NIBAN3: variants seen among roughly 807,000 people sequenced by gnomAD.
The protein encoded by NIBAN3 is niban apoptosis regulator 3, also known as protein Niban 3.
In NIBAN3, 66 loss-of-function variants were observed where a neutral mutation model predicts 76.4. That is an observed-to-expected ratio of 0.86 (90% CI 0.71 to 1.06). NIBAN3 has a LOEUF of 1.06. NIBAN3 is among the 50% of genes least tolerant of loss of function. The pLI, the probability that NIBAN3 is intolerant of heterozygous loss-of-function variation, is 0.00. For synonymous variants in NIBAN3, 360 were observed against 355.2 expected (o/e 1.01, Z -0.15); for missense variants, 808 against 810.7 (o/e 1.00, Z 0.04).
At chr19:17,544,609 C>T (rs778578192) in intron 12 of NIBAN3, among the ~76,000 whole-genome samples, 4 of 152,218 alleles carry the variant, frequency 2.6e-5, no homozygotes, top group Non-Finnish European at 5.9e-5. Flanking sequence ...GTGCAAAGGC[C>T]CTGAGGCCTG....
At chr19:17,530,654 A>T in intron 1 of NIBAN3, 101 bp from the exon 2 acceptor site, 1 of 1,169,670 alleles carries the variant, frequency 8.5e-7, no homozygotes, top group South Asian at 1.7e-5. Flanking sequence ...CAGGATGACT[A>T]CAGGAGCCCC....
chr19:17,547,706 C>A (rs1299757845), intron 13 of NIBAN3, among the ~76,000 whole-genome samples: 4 of 150,980 alleles, frequency 2.6e-5, no homozygotes, highest in Admixed American at 2.6e-4. Flanking sequence ...CTCACTCTGT[C>A]ACCCAGGCAG....
chr19:17,542,330 G>C lies in NIBAN3; in HGVS notation c.1329+36G>C. The C allele has an allele frequency of 3.2e-6, 5 of 1,562,754 alleles. No homozygotes were observed. Among genetic ancestry groups the C allele is most frequent in the Non-Finnish European group, 3.5e-6 (4 of 1,155,740 alleles). Reference sequence around the variant, plus strand: ...GAGGAGGCTGGGATGAGGCCAGGCTGTGAAGACAGCCTCCACTGACCTCCT... The same window carrying C: ...GAGGAGGCTGGGATGAGGCCAGGCTCTGAAGACAGCCTCCACTGACCTCCT... On this transcript the variant is annotated intron_variant, in intron 10 of 14. Transcript: ENST00000599164. This position sits in a 1 kb window ranked among gnomAD's most constrained non-coding sequence, Gnocchi z 4.8.
chr19:17,547,602 C>T (rs1358125556), intron 13 of NIBAN3, among the ~76,000 whole-genome samples: 1 of 151,286 alleles, frequency 6.6e-6, no homozygotes, highest in African/African-American at 2.4e-5. Flanking sequence ...ATCCTCCCCC[C>T]TTGGGCTCCC....
At position 17,549,296 on chromosome 19, in the gene NIBAN3, C is replaced by A. The variant is rs567180501; in HGVS notation, c.1667-148C>A. ...GCAGGGATCGGTTAGCAATGTCTGC[C>A]ATGGGTGCGGGCTTGGAGAGAGGCT... On this transcript the variant is annotated intron_variant, in intron 13 of 14. Transcript: ENST00000599164. 6.1e-6 allele frequency: 4 copies of A among 651,054 alleles called. No homozygotes were observed. The East Asian group carries it at 1.0e-4, about 16-fold the overall frequency. 40.3% of individuals were successfully genotyped at this position (651,054 alleles called of 1,614,324 possible).
In NIBAN3 at chr19:17,540,521, G is replaced by A; in HGVS notation, c.1109G>A (p.Gly370Asp). 2 of 1,588,898 alleles carry A rather than the reference G, an allele frequency of 1.3e-6. No homozygotes were observed. The highest frequency in any genetic ancestry group is 1.7e-5 in the Admixed American group (1 of 57,560). The stretch of plus-strand genomic sequence containing the variant: ...GCGGTGCGGACCCTCCTGGCTCAAG[G>A]CATGGACCGACTGTCCCACCGCCTG... The part of the protein sequence containing the change: ...LEAVRTLLAQ[G>D]MDRLSHRLRQ... Residue 370 changes from glycine to aspartate, a missense_variant, in exon 9 of 15, where the codon GGC becomes GAC. Transcript: ENST00000599164.
At chr19:17,547,371 T>G (rs1194928636) in intron 13 of NIBAN3, among the ~76,000 whole-genome samples, 1 of 131,348 alleles carries the variant, frequency 7.6e-6, no homozygotes, top group East Asian at 2.2e-4. Flanking sequence ...TTTTTTTTTT[T>G]TGAGACAGAG....
intron 4 of NIBAN3, among the ~76,000 whole-genome samples, chr19:17,535,620 C>T (rs1038273619): frequency 2.6e-5 from 4 of 151,968 alleles, no homozygotes; most frequent in Admixed American, 6.6e-5. Flanking sequence ...TGGTGGCACA[C>T]GCCTATAATC....
downstream of NIBAN3, chr19:17,553,653 G>A: frequency 8.8e-7 from 1 of 1,132,028 alleles, no homozygotes; most frequent in East Asian, 2.4e-5. Context: ...GGCTTCTTTA[G>A]CTGTCTTCCT....
upstream of NIBAN3, chr19:17,523,412 A>G: frequency 2.6e-6 from 4 of 1,553,898 alleles, no homozygotes; most frequent in Admixed American, 4.0e-5. Context: ...CCGGCAGGCC[A>G]CTCAGATGTG....
intron 13 of NIBAN3, among the ~76,000 whole-genome samples, chr19:17,547,350 CTTT>C (rs1161818189): frequency 3.2e-5 from 2 of 62,700 alleles, no homozygotes; most frequent in African/African-American, 1.4e-4. Flanking sequence ...GAGACTATGT[CTTT>C]TTTTTTTTTT....
rs34537214 is a variant in NIBAN3, at chr19:17,552,080, A to AT, written c.*198dup. 0.35 allele frequency: 102,620 copies of AT among 297,424 alleles called. 10,414 individuals are homozygous for AT. Among genetic ancestry groups the AT allele is most frequent in the Non-Finnish European group, 0.4 (65,451 of 165,572 alleles). 18.4% of individuals were successfully genotyped at this position (297,424 alleles called of 1,614,324 possible). On this transcript the variant is annotated 3_prime_UTR_variant, in exon 15 of 15. Transcript: ENST00000599164. ...TTTCCCCAAGGCTTTCTTTATTTTAATTTTTTTTTTTTTTTTGAGACTGAG... is the reference window on the plus strand; with the variant it reads ...TTTCCCCAAGGCTTTCTTTATTTTAATTTTTTTTTTTTTTTTTGAGACTGAG...
chr19:17,542,424 A>C lies in NIBAN3; in HGVS notation c.1329+130A>C, dbSNP rs2075971862. 1.9e-5 allele frequency: 19 copies of C among 1,009,526 alleles called. No homozygotes were observed. The South Asian group carries it at 2.9e-4, about 15-fold the overall frequency. The allele number at this position is 1,009,526 out of a possible 1,614,324, so 62.5% of individuals were successfully genotyped here. On this transcript the variant is annotated intron_variant, in intron 10 of 14. Transcript: ENST00000599164. The surrounding 1 kb of genome is among the most constrained non-coding windows in gnomAD (Gnocchi z 4.8). ...GCGGGGCTGCCAGTCTCATGGGGAC[A>C]TGAGCCCGTGACCAGGCAGCAGCCA... is the stretch of plus-strand genomic sequence containing the variant.
chr19:17,524,093 G>A (rs529778268), upstream of NIBAN3, among the ~76,000 whole-genome samples: 1 of 151,974 alleles, frequency 6.6e-6, no homozygotes, highest in South Asian at 2.1e-4. Context: ...GTTTCACCAC[G>A]CTGGCCAGGC....
chr19:17,541,054 G>T (rs180968669), intron 9 of NIBAN3, among the ~76,000 whole-genome samples: 2 of 152,186 alleles, frequency 1.3e-5, no homozygotes, highest in Non-Finnish European at 2.9e-5. Flanking sequence ...AGTTTAAAAC[G>T]TGAGGGGAAA....
At chr19:17,523,959 G>A (rs577184167), upstream of NIBAN3, among the ~76,000 whole-genome samples, 8 of 152,226 alleles carry the variant, frequency 5.3e-5, no homozygotes, top group Non-Finnish European at 1.0e-4. Flanking sequence ...TGTGATCTCA[G>A]CTCACTGCAA....
chr19:17,526,691 C>A (rs1466908614), upstream of NIBAN3, among the ~76,000 whole-genome samples: 1 of 151,922 alleles, frequency 6.6e-6, no homozygotes, highest in African/African-American at 2.4e-5. Flanking sequence ...AGGTGATGGA[C>A]TGGTGGGAGG....
chr19:17,555,193 G>A (rs1232658641), downstream of NIBAN3, among the ~76,000 whole-genome samples: 2 of 152,158 alleles, frequency 1.3e-5, no homozygotes, highest in African/African-American at 4.8e-5. Context: ...GTGACGCCAG[G>A]TCTGTGGACG....
upstream of NIBAN3, among the ~76,000 whole-genome samples, chr19:17,526,273 A>G (rs1403630960): frequency 1.3e-5 from 2 of 151,838 alleles, no homozygotes; most frequent in African/African-American, 2.4e-5. Flanking sequence ...AGATAGTGCC[A>G]TTGCACTCCA....
Sources: allele counts gnomAD v4.1 joint callset (sites outside exome capture counted in the v4.1 genomes callset), GRCh38; gene constraint gnomAD v4.1.1; non-coding constraint Gnocchi (gnomAD v3.1); transcripts MANE v1.5; gene names NCBI Gene and HGNC (gene_info 2026-07-23, HGNC 2026-07-21).